SV2B: variants seen among roughly 807,000 people sequenced by gnomAD.
The protein encoded by SV2B is solute carrier family 22 member B2.
In SV2B, 41 loss-of-function variants were observed where a neutral mutation model predicts 73.9. The observed-to-expected ratio is 0.56, with a 90% CI of 0.43 to 0.72. SV2B has a LOEUF of 0.72. Among genes scored for constraint, SV2B ranks in the 30% least tolerant of loss-of-function variants. SV2B has a pLI of 0.00. For synonymous variants in SV2B, 314 were observed against 314.2 expected (o/e 1.00, Z 0.01); for missense variants, 764 against 857.8 (o/e 0.89, Z 1.37).
Position 91,258,133 on chromosome 15 carries a change from C to T in SV2B, c.785-288C>T, listed in dbSNP as rs890042406. Among the ~76,000 whole-genome samples the T allele has an allele frequency of 6.6e-6, 1 of 152,174 alleles. No homozygotes were observed. Among genetic ancestry groups the T allele is most frequent in the African/African-American group, 2.4e-5 (1 of 41,424 alleles). The stretch of plus-strand genomic sequence containing the variant: ...ATCCGAGGCTCTGTAAATGTCAGGC[C>T]AGGCCTGGACCTGGGGATTTGTCAG... On this transcript the variant is annotated intron_variant, in intron 4 of 12. Transcript: ENST00000394232. This position sits in a 1 kb window ranked among gnomAD's most constrained non-coding sequence, Gnocchi z 4.7.
intron 1 of SV2B, among the ~76,000 whole-genome samples, chr15:91,149,017 A>G (rs1350631133): frequency 6.6e-6 from 1 of 152,248 alleles, no homozygotes; most frequent in African/African-American, 2.4e-5. Flanking sequence ...GACTAATCGC[A>G]TTGACCAGGA....
chr15:91,147,412 G>A (rs143326700), intron 1 of SV2B, among the ~76,000 whole-genome samples: 129 of 152,306 alleles, frequency 8.5e-4, no homozygotes, highest in Middle Eastern at 6.8e-3. Flanking sequence ...CTCTTGGGTC[G>A]TGTCATTTCA....
At chr15:91,135,600 C>T (rs1007014582) in intron 1 of SV2B, among the ~76,000 whole-genome samples, 5 of 152,156 alleles carry the variant, frequency 3.3e-5, no homozygotes, top group South Asian at 2.1e-4. Context: ...TGTAAAACAG[C>T]GTCTGTCTGA....
At position 91,124,336 on chromosome 15, in the gene SV2B, G is replaced by C. The variant is rs1391544572; in HGVS notation, c.-392+23973G>C. Among the ~76,000 whole-genome samples, 2 of 152,138 alleles carry C rather than the reference G, an allele frequency of 1.3e-5. No individual in the cohort carries two copies. The highest frequency in any genetic ancestry group is 4.8e-5 in the African/African-American group (2 of 41,428). ...CTGTGAGGCACGACTTCCCAGGCAG[G>C]ACTCTTGGGAGGATTGTGAAGCTAA... On this transcript the variant is annotated intron_variant, in intron 1 of 12. Coordinates refer to ENST00000394232, the MANE Select transcript of SV2B (RefSeq NM_001323032.3). The surrounding 1 kb of genome is among the most constrained non-coding windows in gnomAD (Gnocchi z 4.6).
At chr15:91,235,788 G>C (rs1322910883) in intron 2 of SV2B, among the ~76,000 whole-genome samples, 1 of 152,170 alleles carries the variant, frequency 6.6e-6, no homozygotes, top group Non-Finnish European at 1.5e-5. Context: ...TACAGTTTCT[G>C]AGTTATTGGA....
rs780694074 is a variant in SV2B at position 91,268,561 on chromosome 15, G to A, written c.1329G>A (p.Thr443=). 4 of 1,613,758 alleles carry A rather than the reference G, an allele frequency of 2.5e-6. No individual in the cohort carries two copies. Among genetic ancestry groups the A allele is most frequent in the African/African-American group, 1.3e-5 (1 of 75,054 alleles). ...EHVYGATINF[T]MENQIHQHGK... is the part of the protein sequence containing the mutation. The stretch of plus-strand genomic sequence containing the variant: ...TGTACGGCGCCACAATCAACTTCAC[G>A]ATGGAAAATCAGATCCACCAACATG... The change falls in exon 9 of 13, where the codon ACG becomes ACA. Residue 443 remains threonine (T), a synonymous_variant. Coordinates refer to ENST00000394232, the MANE Select transcript of SV2B (RefSeq NM_001323032.3). This position sits in a 1 kb window ranked among gnomAD's most constrained non-coding sequence, Gnocchi z 4.4.
At chr15:91,202,776 A>G (rs2045506552) in intron 1 of SV2B, among the ~76,000 whole-genome samples, 1 of 152,156 alleles carries the variant, frequency 6.6e-6, no homozygotes, top group Non-Finnish European at 1.5e-5. Context: ...GAAGCTGGAA[A>G]GGTTGTAGAG....
intron 1 of SV2B, among the ~76,000 whole-genome samples, chr15:91,165,051 T>C (rs1418128732): frequency 6.6e-6 from 1 of 152,164 alleles, no homozygotes; most frequent in Non-Finnish European, 1.5e-5. Flanking sequence ...AAAAATTTTT[T>C]TTAGGCTGGA....
chr15:91,220,694 T>C lies in SV2B; in HGVS notation c.-391-5179T>C, dbSNP rs903765049. Among the ~76,000 whole-genome samples the C allele has an allele frequency of 1.3e-5, 2 of 152,142 alleles. No homozygotes were observed. Among genetic ancestry groups the C allele is most frequent in the African/African-American group, 2.4e-5 (1 of 41,412 alleles). Reference sequence around the variant, plus strand: ...CATGGGAGGTAGTTGTTTTTAGGAGTAACTCAATATTTGTTTGTTTTTCTC... The same window carrying C: ...CATGGGAGGTAGTTGTTTTTAGGAGCAACTCAATATTTGTTTGTTTTTCTC... On this transcript the variant is annotated intron_variant, in intron 1 of 12. Coordinates refer to ENST00000394232, the MANE Select transcript of SV2B (RefSeq NM_001323032.3). The surrounding 1 kb of genome is among the most constrained non-coding windows in gnomAD (Gnocchi z 4.1).
intron 2 of SV2B, among the ~76,000 whole-genome samples, chr15:91,247,551 C>G (rs143799937): frequency 6.6e-6 from 1 of 152,164 alleles, no homozygotes; most frequent in Non-Finnish European, 1.5e-5. Context: ...AACTTAGAAT[C>G]TTGAAAAGGG....
At chr15:91,205,020 G>A (rs1304944867) in intron 1 of SV2B, among the ~76,000 whole-genome samples, 1 of 152,154 alleles carries the variant, frequency 6.6e-6, no homozygotes, top group Non-Finnish European at 1.5e-5. Context: ...CTGAGCTGCT[G>A]TTTTTGTTTT....
chr15:91,155,618 G>T (rs1327030001), intron 1 of SV2B, among the ~76,000 whole-genome samples: 1 of 152,154 alleles, frequency 6.6e-6, no homozygotes, highest in Non-Finnish European at 1.5e-5. Context: ...TTTTACCAGA[G>T]ATCCGAGGGT....
At chr15:91,194,863 A>G (rs1450696551) in intron 1 of SV2B, among the ~76,000 whole-genome samples, 4 of 152,160 alleles carry the variant, frequency 2.6e-5, no homozygotes, top group Admixed American at 6.5e-5. Context: ...AGGGTTGACC[A>G]ATGAAGTGAA....
intron 6 of SV2B, among the ~76,000 whole-genome samples, chr15:91,262,493 C>T (rs940541858): frequency 5.3e-5 from 8 of 152,076 alleles, no homozygotes; most frequent in African/African-American, 1.9e-4. Flanking sequence ...GTTCGGGGTA[C>T]ATGTGCAGGT....
chr15:91,165,317 G>A (rs1272859109), intron 1 of SV2B, among the ~76,000 whole-genome samples: 1 of 152,148 alleles, frequency 6.6e-6, no homozygotes. Flanking sequence ...GGCGACAAGA[G>A]CGAGACTCTG....
In SV2B at chr15:91,110,643, C is replaced by T. The variant is rs2042009946; in HGVS notation, c.-392+10280C>T. ...GGAGGCTCTGCGGGAGAGGAAGAGG[C>T]ACCGTGGGGTGGCCTGCCCTAGGCA... On this transcript the variant is annotated intron_variant, in intron 1 of 12. Transcript: ENST00000394232. This position sits in a 1 kb window ranked among gnomAD's most constrained non-coding sequence, Gnocchi z 5.4. Among the ~76,000 whole-genome samples, 1 of 152,150 alleles carries T rather than the reference C, an allele frequency of 6.6e-6. No homozygotes were observed. Among genetic ancestry groups the T allele is most frequent in the Non-Finnish European group, 1.5e-5 (1 of 68,032 alleles).
At chr15:91,248,877 A>T (rs960710132) in intron 2 of SV2B, among the ~76,000 whole-genome samples, 1 of 152,142 alleles carries the variant, frequency 6.6e-6, no homozygotes, top group African/African-American at 2.4e-5. Flanking sequence ...CTTTTATTGG[A>T]TGCTAGTGTT....
At chr15:91,230,037 T>C (rs2046515191) in intron 2 of SV2B, among the ~76,000 whole-genome samples, 1 of 152,024 alleles carries the variant, frequency 6.6e-6, no homozygotes, top group South Asian at 2.1e-4. Flanking sequence ...GGCCAGGAGT[T>C]TGAGATCAGC....
In SV2B at chr15:91,137,591, A is replaced by G. The variant is rs1023387394; in HGVS notation, c.-392+37228A>G. On this transcript the variant is annotated intron_variant, in intron 1 of 12. Coordinates refer to ENST00000394232, the MANE Select transcript of SV2B (RefSeq NM_001323032.3). This position sits in a 1 kb window ranked among gnomAD's most constrained non-coding sequence, Gnocchi z 4.9. Reference sequence around the variant, plus strand: ...TGAAATATATATATATATATTTCTCATATATATATATATTTCATATATATA... The same window carrying G: ...TGAAATATATATATATATATTTCTCGTATATATATATATTTCATATATATA... Among the ~76,000 whole-genome samples the G allele has an allele frequency of 2.3e-4, 13 of 56,492 alleles. No individual in the cohort carries two copies. Among genetic ancestry groups the G allele is most frequent in the Non-Finnish European group, 3.7e-4 (9 of 24,436 alleles). 37.1% of individuals were successfully genotyped at this position (56,492 alleles called of 152,430 possible).
Sources: gnomAD v4.1 joint callset for allele counts (sites outside exome capture counted in the v4.1 genomes callset) on GRCh38, gnomAD v4.1.1 for gene constraint, Gnocchi (gnomAD v3.1) non-coding constraint, MANE v1.5 for transcripts, NCBI Gene and HGNC (gene_info 2026-07-23, HGNC 2026-07-21) for gene names.